HPGDS: variants seen among roughly 807,000 people sequenced by gnomAD.
HPGDS encodes GST class-sigma.
In HPGDS, 26 loss-of-function variants were observed where a neutral mutation model predicts 23.1. The ratio of observed to expected loss-of-function variants is 1.13; its 90% CI spans 0.83 to 1.56. The LOEUF is 1.56. Among genes scored for constraint, HPGDS ranks in the 40% most tolerant of loss-of-function variants. HPGDS has a pLI of 0.00. For synonymous variants in HPGDS, 95 were observed against 77.9 expected (o/e 1.22, Z -1.16); for missense variants, 268 against 236.4 (o/e 1.13, Z -0.88).
chr4:94,312,142 G>A (rs1469829243), intron 3 of HPGDS, among the ~76,000 whole-genome samples: 5 of 152,010 alleles, frequency 3.3e-5, no homozygotes, highest in African/African-American at 9.7e-5. Context: ...ATCTCCTTCA[G>A]TTCTGCTCTG....
intron 5 of HPGDS, 109 bp downstream of exon 5, chr4:94,302,037 G>A: frequency 3.5e-6 from 2 of 577,292 alleles, no homozygotes; most frequent in Non-Finnish European, 6.1e-6. Flanking sequence ...TGTTCTTGCT[G>A]TAAATTCTAT....
At chr4:94,322,594 G>A (rs535557575) in intron 2 of HPGDS, among the ~76,000 whole-genome samples, 3 of 152,162 alleles carry the variant, frequency 2.0e-5, no homozygotes, top group African/African-American at 7.2e-5. Flanking sequence ...TATTTCTGTG[G>A]GATCGGTGGT....
At chr4:94,299,777 T>C (rs969550262) in intron 5 of HPGDS, 133 bp from the exon 6 acceptor site, 2 of 831,274 alleles carry the variant, frequency 2.4e-6, no homozygotes, top group African/African-American at 1.7e-5. Flanking sequence ...AATGTTTATA[T>C]GATAGAAGTT....
intron 4 of HPGDS, among the ~76,000 whole-genome samples, chr4:94,306,971 A>G (rs1249066168): frequency 2.0e-5 from 3 of 152,108 alleles, no homozygotes; most frequent in Non-Finnish European, 4.4e-5. Flanking sequence ...TGAAAACAAG[A>G]TCATACCAAG....
At chr4:94,303,996 C>A (rs1489765548) in intron 4 of HPGDS, 1 of 151,296 alleles carries the variant, frequency 6.6e-6, no homozygotes. Flanking sequence ...ACCAAAATAA[C>A]ATAAAGAAGA....
chr4:94,306,631 G>A (rs1218943159), intron 4 of HPGDS, among the ~76,000 whole-genome samples: 1 of 152,092 alleles, frequency 6.6e-6, no homozygotes, highest in Non-Finnish European at 1.5e-5. Context: ...AGCATGGGAT[G>A]TTCTTCATTT....
chr4:94,312,028 T>C (rs1160057841), intron 3 of HPGDS, among the ~76,000 whole-genome samples: 2 of 152,214 alleles, frequency 1.3e-5, no homozygotes, highest in East Asian at 3.8e-4. Context: ...TTCTTCTCTC[T>C]TTTCTTCTTT....
chr4:94,320,855 G>T (rs1398989776), intron 2 of HPGDS, among the ~76,000 whole-genome samples: 2 of 152,290 alleles, frequency 1.3e-5, no homozygotes, highest in African/African-American at 4.8e-5. Context: ...TGTCCTGAAT[G>T]GTATTGCCTA....
intron 4 of HPGDS, among the ~76,000 whole-genome samples, chr4:94,306,231 C>T (rs1756136342): frequency 6.6e-6 from 1 of 152,056 alleles, no homozygotes; most frequent in African/African-American, 2.4e-5. Flanking sequence ...CACCACCTGC[C>T]AGTCTCTTTA....
At chr4:94,306,562 G>A (rs1284061567) in intron 4 of HPGDS, among the ~76,000 whole-genome samples, 1 of 152,046 alleles carries the variant, frequency 6.6e-6, no homozygotes, top group Admixed American at 6.6e-5. Flanking sequence ...TAGAACTGGG[G>A]TTAAGGAGGT....
At chr4:94,324,835 G>T (rs1756596804) in intron 2 of HPGDS, among the ~76,000 whole-genome samples, 1 of 152,038 alleles carries the variant, frequency 6.6e-6, no homozygotes. Context: ...GACAAGAAGG[G>T]GTGTTCTGAT....
chr4:94,338,608 GTC>G (rs1368351268), intron 1 of HPGDS, among the ~76,000 whole-genome samples: 3 of 152,112 alleles, frequency 2.0e-5, no homozygotes, highest in Non-Finnish European at 4.4e-5. Flanking sequence ...CATATAAAGA[GTC>G]TCTACTAAAA....
intron 3 of HPGDS, among the ~76,000 whole-genome samples, chr4:94,315,583 C>T (rs779149007): frequency 5.9e-5 from 9 of 151,848 alleles, no homozygotes; most frequent in Middle Eastern, 3.4e-3. Flanking sequence ...AAAATGCTCC[C>T]GTGTAGAAGC....
rs183500614 is a variant in HPGDS at position 94,315,229 on chromosome 4, G to A, written c.226+2644C>T. Among the ~76,000 whole-genome samples the A allele has an allele frequency of 2.8e-4, 42 of 152,190 alleles. 1 individual carries two copies. The highest frequency in any genetic ancestry group is 8.2e-4 in the African/African-American group (34 of 41,526). On this transcript the variant is annotated intron_variant, in intron 3 of 5. Coordinates refer to ENST00000295256, the MANE Select transcript of HPGDS (RefSeq NM_014485.3). ...GCAGAAATCATTCATCTTCTGCATC[G>A]CTCACGCTTCGAGCTGTAGACTGGA...
chr4:94,298,750 G>C lies in HPGDS; in HGVS notation c.*730C>G, dbSNP rs1016169237. On this transcript the variant is annotated 3_prime_UTR_variant, in exon 6 of 6. Coordinates refer to ENST00000295256, the MANE Select transcript of HPGDS (RefSeq NM_014485.3). ...TAAATTCATCTTTACAAGTTTCTCTGGCTGCATATCTAGAGCCTTTTGAGC... is the reference window on the plus strand; with the variant it reads ...TAAATTCATCTTTACAAGTTTCTCTCGCTGCATATCTAGAGCCTTTTGAGC... 6.6e-6 allele frequency: 1 copy of C among 151,978 alleles called. No individual in the cohort carries two copies. Among genetic ancestry groups the C allele is most frequent in the Non-Finnish European group, 1.5e-5 (1 of 68,000 alleles). The allele number at this position is 151,978 out of a possible 1,614,324, so 9.4% of individuals were successfully genotyped here. A position where few individuals can be genotyped will look rare whatever the true frequency, so the allele number is the denominator to read the frequency against.
At chr4:94,315,013 C>T (rs1393936232) in intron 3 of HPGDS, among the ~76,000 whole-genome samples, 1 of 152,156 alleles carries the variant, frequency 6.6e-6, no homozygotes, top group Non-Finnish European at 1.5e-5. Context: ...GTAGGAGTGA[C>T]CCGATTTTCC....
chr4:94,338,923 A>G (rs1458328491), intron 1 of HPGDS, among the ~76,000 whole-genome samples: 1 of 152,214 alleles, frequency 6.6e-6, no homozygotes, highest in Non-Finnish European at 1.5e-5. Flanking sequence ...ACAAAGAAAA[A>G]AAGAGAACAG....
At chr4:94,318,010 A>G in intron 2 of HPGDS, 45 bp from the exon 3 acceptor site, 1 of 1,062,114 alleles carries the variant, frequency 9.4e-7, no homozygotes, top group Non-Finnish European at 1.4e-6. Context: ...ACAAAACCAG[A>G]AGTTATATTA....
chr4:94,330,073 A>T (rs975594525), intron 2 of HPGDS, among the ~76,000 whole-genome samples: 1 of 152,254 alleles, frequency 6.6e-6, no homozygotes. Flanking sequence ...GCAGATGTAC[A>T]GTAACAGGAA....
Sources: allele counts gnomAD v4.1 joint callset (sites outside exome capture counted in the v4.1 genomes callset), GRCh38; gene constraint gnomAD v4.1.1; transcripts MANE v1.5; gene names NCBI Gene and HGNC (gene_info 2026-07-23, HGNC 2026-07-21).